Variants in E2F8 observed in about 807,000 individuals in gnomAD.
E2F8 encodes E2F transcription factor 8.
In E2F8, 35 loss-of-function variants were observed where a neutral mutation model predicts 80.8. The observed-to-expected ratio is 0.43, with a 90% CI of 0.33 to 0.57. The LOEUF (loss-of-function observed/expected upper bound fraction) is 0.57, where lower values mean the gene tolerates loss of function less well. Among genes scored for constraint, E2F8 ranks in the 20% least tolerant of loss-of-function variants. The pLI, the probability that E2F8 is intolerant of heterozygous loss-of-function variation, is 0.04. For missense variants in E2F8, 975 were observed against 1,056.2 expected (o/e 0.92, Z 1.07); for synonymous variants, 386 against 395.0 (o/e 0.98, Z 0.27).
intron 12 of E2F8, 82 bp downstream of exon 12, chr11:19,225,139 A>C: frequency 6.6e-7 from 1 of 1,522,616 alleles, no homozygotes; most frequent in Admixed American, 2.1e-5. Flanking sequence ...AAAGAGGAAA[A>C]GCAAAAGCCA....
chr11:19,235,565 T>C (rs900772390), intron 4 of E2F8, among the ~76,000 whole-genome samples: 16 of 151,640 alleles, frequency 1.1e-4, no homozygotes, highest in South Asian at 1.0e-3. Context: ...AGGAGAATGG[T>C]GTGAACCCGG....
chr11:19,225,454 T>C lies in E2F8; in HGVS notation c.2188A>G (p.Ser730Gly). The change falls in exon 12 of 13, where the codon AGC (serine) becomes GGC (glycine). Residue 730 changes from serine to glycine, a missense_variant. Ser to Gly is a moderately conservative substitution (Grantham distance 56). Transcript: ENST00000250024. ...AGGGTGAAGTTTACAATGGCTGAGC[T>C]TGGGTTCTGGATGGGAACAGGGTGG... ...SSHPVPIQNP[S>G]SAIVNFTLQH... 3.7e-6 allele frequency: 6 copies of C among 1,614,152 alleles called. No individual in the cohort carries two copies. Among genetic ancestry groups the C allele is most frequent in the Non-Finnish European group, 5.1e-6 (6 of 1,180,020 alleles).
At chr11:19,236,299 A>T (rs1851515029) in intron 4 of E2F8, among the ~76,000 whole-genome samples, 1 of 152,160 alleles carries the variant, frequency 6.6e-6, no homozygotes, top group South Asian at 2.1e-4. Flanking sequence ...ACTTATGGCA[A>T]AGCACCTCCC....
In E2F8 at chr11:19,229,988, A is replaced by G; in HGVS notation, c.1359T>C (p.Ser453=). The G allele has an allele frequency of 6.2e-7, 1 of 1,613,096 alleles. No individual in the cohort carries two copies. Among genetic ancestry groups the G allele is most frequent in the Non-Finnish European group, 8.5e-7 (1 of 1,179,882 alleles). The change falls in exon 10 of 13, where the codon AGT becomes AGC. Residue 453 remains serine, a splice_region_variant and synonymous_variant. Coordinates refer to ENST00000250024, the MANE Select transcript of E2F8 (RefSeq NM_024680.4). The surrounding 1 kb of genome is among the most constrained non-coding windows in gnomAD (Gnocchi z 4.3). ...ICKMQLEEQS[S]ESRQKVKVQL... Reference sequence around the variant, plus strand: ...GTACTTTCACTTTCTGTCTGGATTCACTGAAAGACAAGATTTAATACACGA... The same window carrying G: ...GTACTTTCACTTTCTGTCTGGATTCGCTGAAAGACAAGATTTAATACACGA...
chr11:19,236,180 C>T (rs1453854819), intron 4 of E2F8, among the ~76,000 whole-genome samples: 1 of 152,224 alleles, frequency 6.6e-6, no homozygotes, highest in Non-Finnish European at 1.5e-5. Flanking sequence ...TTTGTACCGG[C>T]TGTTCCTTCT....
chr11:19,224,491 G>A lies in E2F8; in HGVS notation c.*167C>T. 1 of 553,924 alleles carries A rather than the reference G, an allele frequency of 1.8e-6. No individual in the cohort carries two copies. Among genetic ancestry groups the A allele is most frequent in the South Asian group, 2.6e-5 (1 of 38,328 alleles). The allele number at this position is 553,924 out of a possible 1,614,324, so 34.3% of individuals were successfully genotyped here. On this transcript the variant is annotated 3_prime_UTR_variant, in exon 13 of 13. Coordinates refer to ENST00000250024, the MANE Select transcript of E2F8 (RefSeq NM_024680.4). ...TATATGTGTGTGTGTGTGTGTGTGT[G>A]TGTGTGTATATATATATATGTATGA...
rs375220543 is a variant in E2F8 at position 19,224,789 on chromosome 11, G to A, written c.2473C>T (p.Arg825Cys). The change falls in exon 13 of 13, where the codon CGT (arginine) becomes TGT (cysteine). Residue 825 changes from arginine to cysteine, a missense_variant. Arg to Cys is a radical substitution (Grantham distance 180). Coordinates refer to ENST00000250024, the MANE Select transcript of E2F8 (RefSeq NM_024680.4). Reference protein sequence around the residue: ...GSQLVAESFFRTPGGPTKPTS... With the variant: ...GSQLVAESFFCTPGGPTKPTS... ...GGCTTGGTGGGTCCACCTGGGGTACGGAAGAAACTTTCGGCCACTAATTGT... is the reference window on the plus strand; with the variant it reads ...GGCTTGGTGGGTCCACCTGGGGTACAGAAGAAACTTTCGGCCACTAATTGT... The A allele has an allele frequency of 5.6e-6, 9 of 1,614,132 alleles. No homozygotes were observed. Among genetic ancestry groups the A allele is most frequent in the East Asian group, 2.2e-5 (1 of 44,882 alleles).
chr11:19,239,930 T>C (rs1013567090), intron 2 of E2F8, among the ~76,000 whole-genome samples, 177 bp downstream of exon 2: 2 of 151,452 alleles, frequency 1.3e-5, no homozygotes, highest in Non-Finnish European at 2.9e-5. Flanking sequence ...TTAGTATATA[T>C]TTTAAACTAT....
At chr11:19,235,241 C>A (rs930624233) in intron 4 of E2F8, among the ~76,000 whole-genome samples, 183 bp from the exon 5 acceptor site, 9 of 152,166 alleles carry the variant, frequency 5.9e-5, no homozygotes, top group Admixed American at 1.3e-4. Context: ...TCCAAGGGCA[C>A]AAATCATATG....
At chr11:19,241,253 C>T (rs1851658409), upstream of E2F8, among the ~76,000 whole-genome samples, 2 of 152,196 alleles carry the variant, frequency 1.3e-5, no homozygotes, top group Admixed American at 6.5e-5. This position sits in a 1 kb window ranked among gnomAD's most constrained non-coding sequence, Gnocchi z 4.5. Context: ...CCTCGTTCGC[C>T]CCCGCCCCTC....
chr11:19,240,405 A>AGC (rs1851627729), intron 1 of E2F8, 143 bp downstream of exon 1: 1 of 231,836 alleles, frequency 4.3e-6, no homozygotes, highest in Non-Finnish European at 8.3e-6. Flanking sequence ...ACGCCAACAA[A>AGC]TGCCAGTAAA....
At chr11:19,234,560 A>T (rs750132400) in intron 5 of E2F8, 39 bp from the exon 6 acceptor site, 5 of 1,603,896 alleles carry the variant, frequency 3.1e-6, no homozygotes, top group Non-Finnish European at 4.3e-6. Context: ...TAAAATTCAT[A>T]AAGGGACAAG....
rs202133273 is a variant in E2F8, at chr11:19,238,019, G to C, written c.129C>G (p.Thr43=). 182 of 1,614,144 alleles carry C rather than the reference G, an allele frequency of 1.1e-4. 1 individual carries two copies. The East Asian group carries it at 3.6e-3, about 32-fold the overall frequency. The change falls in exon 3 of 13, where the codon ACC becomes ACG. Residue 43 remains threonine (T), a synonymous_variant. Transcript: ENST00000250024. The part of the protein sequence containing the change: ...AEIQPDFGPL[T]TPTKPKEGSQ... ...AGCCTTCCTTGGGCTTGGTAGGTGT[G>C]GTTAAAGGGCCAAAGTCAGGCTGGA...
chr11:19,228,817 A>C (rs1291651938), intron 10 of E2F8, among the ~76,000 whole-genome samples: 1 of 152,230 alleles, frequency 6.6e-6, no homozygotes, highest in Non-Finnish European at 1.5e-5. Context: ...TATGTCTGCT[A>C]TATGTGGGTA....
At chr11:19,230,980 AG>A in intron 7 of E2F8, 146 bp from the exon 8 acceptor site, 1 of 686,596 alleles carries the variant, frequency 1.5e-6, no homozygotes, top group Non-Finnish European at 2.4e-6. Context: ...TTACAGAGAA[AG>A]CCTTGTTTAT....
At chr11:19,235,814 T>C (rs1565071868) in intron 4 of E2F8, among the ~76,000 whole-genome samples, 1 of 152,180 alleles carries the variant, frequency 6.6e-6, no homozygotes, top group Non-Finnish European at 1.5e-5. Context: ...CACACGCCCA[T>C]CTGTAATGAT....
chr11:19,226,932 A>G (rs1851251677), intron 10 of E2F8, among the ~76,000 whole-genome samples: 1 of 152,232 alleles, frequency 6.6e-6, no homozygotes, highest in South Asian at 2.1e-4. Flanking sequence ...CAATAAAGTT[A>G]TATTGCAACT....
chr11:19,225,921 C>T (rs1851225583), intron 10 of E2F8, 57 bp from the exon 11 acceptor site: 6 of 1,572,020 alleles, frequency 3.8e-6, no homozygotes, highest in Non-Finnish European at 5.2e-6. Context: ...GAAAAATGGC[C>T]ACGTGCCTCT....
At position 19,234,367 on chromosome 11, in the gene E2F8, C is replaced by T; in HGVS notation, c.921G>A (p.Lys307=). ...GGCAGTCATGACACTTACTTTTAAA[C>T]TTGCTTTTATCCAAATCTTCCACAT... is the stretch of plus-strand genomic sequence containing the variant. The part of the protein sequence containing the change: ...EDHVEDLDKS[K]FKTKIRRLYD... Residue 307 remains lysine (K), a synonymous_variant, in exon 6 of 13, where the codon AAG becomes AAA. Transcript: ENST00000250024. 1.2e-6 allele frequency: 2 copies of T among 1,613,766 alleles called. No individual in the cohort carries two copies. Among genetic ancestry groups the T allele is most frequent in the Non-Finnish European group, 1.7e-6 (2 of 1,179,926 alleles).
Sources: allele counts gnomAD v4.1 joint callset (sites outside exome capture counted in the v4.1 genomes callset), GRCh38; gene constraint gnomAD v4.1.1; non-coding constraint Gnocchi (gnomAD v3.1); transcripts MANE v1.5; gene names NCBI Gene and HGNC (gene_info 2026-07-23, HGNC 2026-07-21).